Variants in ZNF704 observed in about 807,000 individuals in gnomAD.
The protein encoded by ZNF704 is glucocorticoid induced gene 1.
In ZNF704, 10 loss-of-function variants were observed where a neutral mutation model predicts 44.7. That is an observed-to-expected ratio of 0.22 (90% CI 0.14 to 0.38). The LOEUF is 0.38. ZNF704 is among the 10% of genes least tolerant of loss of function. ZNF704 has a pLI of 1.00. For synonymous variants in ZNF704, 211 were observed against 207.6 expected (o/e 1.02, Z -0.14); for missense variants, 390 against 545.5 (o/e 0.71, Z 2.84).
intron 2 of ZNF704, among the ~76,000 whole-genome samples, chr8:80,717,412 T>C (rs1380749348): frequency 6.6e-6 from 1 of 152,270 alleles, no homozygotes; most frequent in Non-Finnish European, 1.5e-5. Context: ...ACAGAGACTC[T>C]GCAGACTGCA....
intron 2 of ZNF704, among the ~76,000 whole-genome samples, chr8:80,722,623 C>T (rs1387011297): frequency 1.3e-5 from 2 of 152,188 alleles, no homozygotes; most frequent in African/African-American, 2.4e-5. Flanking sequence ...GTTTGCAGCA[C>T]CTAGTTTGTC....
chr8:80,753,993 G>A (rs1256649454), intron 2 of ZNF704, among the ~76,000 whole-genome samples: 1 of 152,100 alleles, frequency 6.6e-6, no homozygotes, highest in African/African-American at 2.4e-5. Flanking sequence ...AGACCTTAGT[G>A]TGTACACCCT....
intron 2 of ZNF704, among the ~76,000 whole-genome samples, chr8:80,726,981 G>A (rs1806492470): frequency 6.6e-6 from 1 of 152,090 alleles, no homozygotes; most frequent in Non-Finnish European, 1.5e-5. Flanking sequence ...CCATGTAATA[G>A]TCATTTAATG....
chr8:80,852,028 T>C (rs1452542877), intron 1 of ZNF704, among the ~76,000 whole-genome samples: 1 of 152,180 alleles, frequency 6.6e-6, no homozygotes. Flanking sequence ...CGAACTTTTC[T>C]GGTAAGTGAA....
intron 1 of ZNF704, among the ~76,000 whole-genome samples, chr8:80,844,511 T>C: frequency 6.6e-6 from 1 of 152,082 alleles, no homozygotes; most frequent in African/African-American, 2.4e-5. Context: ...GGAGATTAGG[T>C]TTCAACATAT....
intron 1 of ZNF704, among the ~76,000 whole-genome samples, chr8:80,843,945 A>G (rs966985098): frequency 6.8e-6 from 1 of 147,414 alleles, no homozygotes; most frequent in Non-Finnish European, 1.5e-5. Flanking sequence ...ATATATGTGT[A>G]TGTATATATA....
intron 2 of ZNF704, among the ~76,000 whole-genome samples, chr8:80,811,133 G>A (rs1808074197): frequency 6.6e-6 from 1 of 152,086 alleles, no homozygotes; most frequent in South Asian, 2.1e-4. Flanking sequence ...GCCATGTGTG[G>A]CTATAGATCA....
chr8:80,815,096 A>C (rs1808155349), intron 2 of ZNF704, among the ~76,000 whole-genome samples: 1 of 152,202 alleles, frequency 6.6e-6, no homozygotes, highest in Admixed American at 6.5e-5. Flanking sequence ...AAGTTCTTTT[A>C]AACTATATAA....
chr8:80,842,128 C>A (rs1808691148), intron 1 of ZNF704, among the ~76,000 whole-genome samples: 1 of 152,090 alleles, frequency 6.6e-6, no homozygotes, highest in South Asian at 2.1e-4. Context: ...ACCCAGTATT[C>A]CTGGCTAAAC....
At chr8:80,758,736 T>C (rs1188171663) in intron 2 of ZNF704, among the ~76,000 whole-genome samples, 1 of 152,198 alleles carries the variant, frequency 6.6e-6, no homozygotes, top group Non-Finnish European at 1.5e-5. Context: ...CATACACTTT[T>C]TTCATATTTT....
intron 1 of ZNF704, among the ~76,000 whole-genome samples, chr8:80,854,989 C>A (rs1808934719): frequency 6.6e-6 from 1 of 151,974 alleles, no homozygotes; most frequent in Non-Finnish European, 1.5e-5. Context: ...GTATCCATGC[C>A]CTAAAGCATT....
At chr8:80,734,931 G>A (rs1028262330) in intron 2 of ZNF704, among the ~76,000 whole-genome samples, 4 of 152,096 alleles carry the variant, frequency 2.6e-5, no homozygotes, top group Non-Finnish European at 5.9e-5. Context: ...TCTCAGATTT[G>A]TTCATCCTTC....
chr8:80,730,627 T>C (rs1563534066), intron 2 of ZNF704, among the ~76,000 whole-genome samples: 2 of 147,246 alleles, frequency 1.4e-5, no homozygotes, highest in Admixed American at 6.9e-5. Flanking sequence ...CCAACAATAA[T>C]AATGTATTTT....
intron 2 of ZNF704, among the ~76,000 whole-genome samples, chr8:80,719,612 C>T (rs894466561): frequency 2.0e-5 from 3 of 152,216 alleles, no homozygotes; most frequent in Admixed American, 6.5e-5. Context: ...CACATGTACT[C>T]AGAAGGGCTT....
chr8:80,672,649 T>C (rs1265315871), intron 4 of ZNF704, among the ~76,000 whole-genome samples: 7 of 152,166 alleles, frequency 4.6e-5, no homozygotes, highest in Admixed American at 3.9e-4. Context: ...CCTAAGTGAA[T>C]TGATGCGGAA....
chr8:80,683,730 C>A (rs1818490320), intron 4 of ZNF704, among the ~76,000 whole-genome samples: 1 of 152,180 alleles, frequency 6.6e-6, no homozygotes, highest in Non-Finnish European at 1.5e-5. Flanking sequence ...TAAACTGTAA[C>A]TAAATAAGCA....
At chr8:80,835,501 T>C (rs1252724882) in intron 1 of ZNF704, among the ~76,000 whole-genome samples, 3 of 152,156 alleles carry the variant, frequency 2.0e-5, no homozygotes, top group Non-Finnish European at 4.4e-5. Flanking sequence ...GTAATCCACA[T>C]GCTGCAAGAG....
At chr8:80,672,008 A>G (rs1818289373) in intron 4 of ZNF704, among the ~76,000 whole-genome samples, 1 of 152,226 alleles carries the variant, frequency 6.6e-6, no homozygotes, top group Non-Finnish European at 1.5e-5. Context: ...TTTAATGTTT[A>G]AAATAAAATA....
chr8:80,697,376 T>G (rs1296500606), intron 2 of ZNF704, among the ~76,000 whole-genome samples: 1 of 152,188 alleles, frequency 6.6e-6, no homozygotes, highest in African/African-American at 2.4e-5. Flanking sequence ...TATTCAGCTG[T>G]TTTTAGTAAA....
Sources: allele counts gnomAD v4.1 joint callset (sites outside exome capture counted in the v4.1 genomes callset), GRCh38; gene constraint gnomAD v4.1.1; transcripts MANE v1.5; gene names NCBI Gene and HGNC (gene_info 2026-07-23, HGNC 2026-07-21).